The following PLCXD2 variants were observed in gnomAD, a reference collection of about 807,000 sequenced individuals.
PLCXD2 encodes PI-PLC X domain-containing protein 2.
Under a neutral mutation model 28.6 loss-of-function variants are expected in PLCXD2, and 21 were observed. That is an observed-to-expected ratio of 0.73 (90% CI 0.52 to 1.06). The LOEUF is 1.06. PLCXD2 is among the 50% of genes least tolerant of loss of function. The pLI, the probability that PLCXD2 is intolerant of heterozygous loss-of-function variation, is 0.00. For missense variants in PLCXD2, 369 were observed against 376.7 expected (o/e 0.98, Z 0.17); for synonymous variants, 140 against 150.1 (o/e 0.93, Z 0.49).
intron 1 of PLCXD2, among the ~76,000 whole-genome samples, chr3:111,680,308 A>G (rs1456581929): frequency 6.6e-6 from 1 of 152,186 alleles, no homozygotes; most frequent in African/African-American, 2.4e-5. Flanking sequence ...AGAGCACAAA[A>G]TAAATTGTGT....
chr3:111,675,346 A>G lies in PLCXD2; in HGVS notation c.101A>G (p.Asp34Gly). ...ACATCATCGGAGGTCTGCAATGCCG[A>G]CTGGATGGCCTCGCTCCCCCCTCAC... The change falls in exon 1 of 5, where the codon GAC becomes GGC. Residue 34 changes from aspartate to glycine, a missense_variant. By Grantham distance (94) the Asp-to-Gly change is moderately conservative. Coordinates refer to ENST00000477665, the MANE Select transcript of PLCXD2 (RefSeq NM_001185106.1). 2 of 1,614,078 alleles carry G rather than the reference A, an allele frequency of 1.2e-6. No individual in the cohort carries two copies. Among genetic ancestry groups the G allele is most frequent in the South Asian group, 2.2e-5 (2 of 91,082 alleles).
intron 1 of PLCXD2, chr3:111,677,434 C>T (rs1940641025): frequency 1.3e-5 from 2 of 152,162 alleles, no homozygotes; most frequent in African/African-American, 2.4e-5. Flanking sequence ...GGGCCATCAT[C>T]GTCCCCCTAC....
chr3:111,687,737 A>T (rs1470804699), intron 1 of PLCXD2, among the ~76,000 whole-genome samples: 1 of 147,746 alleles, frequency 6.8e-6, no homozygotes, highest in Non-Finnish European at 1.5e-5. Flanking sequence ...CCCAAGCTGG[A>T]GTACAGTGAC....
chr3:111,691,296 A>C (rs1170868840), intron 1 of PLCXD2: 2 of 152,236 alleles, frequency 1.3e-5, no homozygotes. Flanking sequence ...TAATAAGTGG[A>C]ATTATCCAAT....
At chr3:111,685,320 C>T (rs746289492) in intron 1 of PLCXD2, among the ~76,000 whole-genome samples, 4 of 152,086 alleles carry the variant, frequency 2.6e-5, no homozygotes, top group Admixed American at 2.0e-4. Flanking sequence ...AGAGGTGCCC[C>T]CTCGTGTTTG....
intron 3 of PLCXD2, among the ~76,000 whole-genome samples, chr3:111,718,531 A>AGATAGATAGATT (rs1482947112): frequency 2.7e-5 from 3 of 112,464 alleles, no homozygotes; most frequent in African/African-American, 9.7e-5. Context: ...ATAGATAGAT[A>AGATAGATAGATT]GATTGATTGA....
intron 1 of PLCXD2, among the ~76,000 whole-genome samples, chr3:111,691,690 A>G (rs78111780): frequency 0.012 from 1,817 of 152,292 alleles, 14 homozygotes; most frequent in Middle Eastern, 0.027. Flanking sequence ...TAGAACCAAT[A>G]CTATCATCCC....
intron 1 of PLCXD2, among the ~76,000 whole-genome samples, chr3:111,683,833 T>C: frequency 1.3e-5 from 2 of 152,062 alleles, no homozygotes; most frequent in East Asian, 3.9e-4. Flanking sequence ...ATGAATAAAC[T>C]AAACCCTGAA....
chr3:111,707,796 T>C, intron 1 of PLCXD2, 130 bp from the exon 2 acceptor site: 2 of 815,194 alleles, frequency 2.5e-6, no homozygotes, highest in Admixed American at 3.0e-5. Context: ...CAAATTTTGC[T>C]ACTATTCATT....
chr3:111,675,113 C>A lies in PLCXD2; in HGVS notation c.-133C>A. On this transcript the variant is annotated 5_prime_UTR_variant, in exon 1 of 5. Coordinates refer to ENST00000477665, the MANE Select transcript of PLCXD2 (RefSeq NM_001185106.1). Reference sequence around the variant, plus strand: ...GTAAGGATCCATCTGTTTGCCCCGTCCCCCAGCCAGAAAGGCATTTTGGAA... The same window carrying A: ...GTAAGGATCCATCTGTTTGCCCCGTACCCCAGCCAGAAAGGCATTTTGGAA... 3.8e-6 allele frequency: 4 copies of A among 1,054,374 alleles called. No homozygotes were observed. In the South Asian group the frequency reaches 6.1e-5, roughly 16 times the overall value. 65.3% of individuals were successfully genotyped at this position (1,054,374 alleles called of 1,614,324 possible).
At chr3:111,715,517 A>C (rs1941256279) in intron 3 of PLCXD2, among the ~76,000 whole-genome samples, 1 of 152,258 alleles carries the variant, frequency 6.6e-6, no homozygotes, top group African/African-American at 2.4e-5. Flanking sequence ...CTGTGCAGAC[A>C]GCCATACTAA....
rs765756536 is a variant in PLCXD2 at position 111,713,995 on chromosome 3, C to G, written c.733C>G (p.Leu245Val). The change falls in exon 3 of 5, where the codon CTC becomes GTC. Residue 245 changes from leucine (L) to valine (V), a missense_variant. Leu to Val is a conservative substitution (Grantham distance 32, BLOSUM62 1). Coordinates refer to ENST00000477665, the MANE Select transcript of PLCXD2 (RefSeq NM_001185106.1). ...CACCACAAGTGTGCGCAAACTAATC[C>G]TCTTCTTGGAGACCACTCTGAGTGA... 7 of 1,614,142 alleles carry G rather than the reference C, an allele frequency of 4.3e-6. No individual in the cohort carries two copies. The South Asian group carries it at 7.7e-5, about 18-fold the overall frequency.
At chr3:111,691,632 T>C (rs1172996016) in intron 1 of PLCXD2, 3 of 152,244 alleles carry the variant, frequency 2.0e-5, no homozygotes, top group African/African-American at 7.2e-5. Context: ...CACCATGTTA[T>C]TGAAAGTAAA....
intron 1 of PLCXD2, among the ~76,000 whole-genome samples, chr3:111,689,294 G>A (rs1011411694): frequency 6.6e-6 from 1 of 152,194 alleles, no homozygotes; most frequent in Non-Finnish European, 1.5e-5. Context: ...GAGAAGGGCT[G>A]CCATGGTCAC....
At chr3:111,716,725 C>T (rs1489557155) in intron 3 of PLCXD2, among the ~76,000 whole-genome samples, 5 of 152,158 alleles carry the variant, frequency 3.3e-5, no homozygotes, top group Admixed American at 1.3e-4. Flanking sequence ...GTCCCATCCC[C>T]GCCATCCCCA....
chr3:111,705,070 G>A (rs1941098508), intron 1 of PLCXD2, among the ~76,000 whole-genome samples: 1 of 152,008 alleles, frequency 6.6e-6, no homozygotes, highest in South Asian at 2.1e-4. Context: ...GCCCGCCTCG[G>A]CCTCCCAAAG....
In PLCXD2 at chr3:111,679,204, G is replaced by A. The variant is rs541741406; in HGVS notation, c.163+3796G>A. Among the ~76,000 whole-genome samples, 5 of 152,214 alleles carry A rather than the reference G, an allele frequency of 3.3e-5. No individual in the cohort carries two copies. In the South Asian group the frequency reaches 8.3e-4, roughly 25 times the overall value. ...TAGGAACTACCTTGTTGAGAAAATAGCATTTGATCTAGAATTTGAGGAATG... is the reference window on the plus strand; with the variant it reads ...TAGGAACTACCTTGTTGAGAAAATAACATTTGATCTAGAATTTGAGGAATG... On this transcript the variant is annotated intron_variant, in intron 1 of 4. Transcript: ENST00000477665.
intron 3 of PLCXD2, 101 bp downstream of exon 3, chr3:111,714,229 T>G: frequency 7.1e-7 from 1 of 1,406,604 alleles, no homozygotes; most frequent in African/African-American, 1.5e-5. Context: ...TCTGAGGAGT[T>G]AGAAAAACAA....
chr3:111,684,829 G>A (rs558542936), intron 1 of PLCXD2, among the ~76,000 whole-genome samples: 5 of 152,254 alleles, frequency 3.3e-5, no homozygotes, highest in African/African-American at 1.2e-4. Context: ...TGCTGATGAG[G>A]TCATCCAAGT....
Sources: allele counts gnomAD v4.1 joint callset (sites outside exome capture counted in the v4.1 genomes callset), GRCh38; gene constraint gnomAD v4.1.1; transcripts MANE v1.5; gene names NCBI Gene and HGNC (gene_info 2026-07-23, HGNC 2026-07-21).